Variants in ADCY5 observed in about 807,000 individuals in gnomAD.
ADCY5 encodes adenylate cyclase type 5.
A neutral mutation model predicts 119.7 loss-of-function variants in ADCY5; 30 were observed. The observed-to-expected ratio is 0.25, with a 90% CI of 0.19 to 0.34. The LOEUF (loss-of-function observed/expected upper bound fraction) is 0.34. ADCY5 is among the 10% of genes least tolerant of loss of function. The pLI is 1.00. For synonymous variants in ADCY5, 753 were observed against 762.2 expected (o/e 0.99, Z 0.20); for missense variants, 1,324 against 1,775.2 (o/e 0.75, Z 4.57).
rs986314659 is a variant in ADCY5 at position 123,447,469 on chromosome 3, G to T, written c.1077C>A (p.Ala359=). The T allele has an allele frequency of 1.9e-6, 3 of 1,610,436 alleles. No individual in the cohort carries two copies. In the East Asian group the frequency reaches 6.7e-5, roughly 36 times the overall value. The change falls in exon 1 of 21, where the codon GCC becomes GCA. Residue 359 remains alanine, a synonymous_variant. Transcript: ENST00000462833. ...TGCGCAGGGCGATGGCCAGGTGGAG[G>T]GCGGACAGGAGCACCCCGCTGAGCA... is the stretch of plus-strand genomic sequence containing the variant. ...AAVLSGVLLS[A]LHLAIALRTN... is the part of the protein sequence containing the mutation.
At chr3:123,287,027 C>A in intron 19 of ADCY5, 1 of 538,142 alleles carries the variant, frequency 1.9e-6, no homozygotes, top group Non-Finnish European at 3.1e-6. Context: ...GTGTCCTCGA[C>A]ACCCCTCACC....
intron 1 of ADCY5, among the ~76,000 whole-genome samples, chr3:123,378,902 G>A (rs1387186119): frequency 4.6e-5 from 7 of 152,290 alleles, no homozygotes; most frequent in Admixed American, 1.3e-4. Flanking sequence ...GAGAAATGAC[G>A]TTCCCATGCA....
At position 123,283,155 on chromosome 3, in the gene ADCY5, C is replaced by G. The variant is rs1056431389; in HGVS notation, c.*1453G>C. The stretch of plus-strand genomic sequence containing the variant: ...CACTCCCTTTCCGCAAACCTGAAGG[C>G]TGCACATTGCATCCCCCAGTCTGAG... On this transcript the variant is annotated 3_prime_UTR_variant, in exon 21 of 21. Coordinates refer to ENST00000462833, the MANE Select transcript of ADCY5 (RefSeq NM_183357.3). 2 of 152,204 alleles carry G rather than the reference C, an allele frequency of 1.3e-5. No homozygotes were observed. Among genetic ancestry groups the G allele is most frequent in the South Asian group, 4.1e-4 (2 of 4,830 alleles). 9.4% of individuals were successfully genotyped at this position (152,204 alleles called of 1,614,324 possible).
intron 1 of ADCY5, chr3:123,419,035 T>C (rs2107634617): frequency 3.3e-6 from 2 of 607,334 alleles, no homozygotes; most frequent in African/African-American, 2.0e-5. Context: ...CAACAGCTCA[T>C]GGGTCTTCTC....
intron 5 of ADCY5, among the ~76,000 whole-genome samples, chr3:123,330,331 T>C (rs577863676): frequency 1.3e-5 from 2 of 152,358 alleles, no homozygotes; most frequent in East Asian, 3.9e-4. Flanking sequence ...TGTTTTTCAA[T>C]GACCAGGGCT....
At chr3:123,446,631 T>C (rs1327101765) in intron 1 of ADCY5, among the ~76,000 whole-genome samples, 2 of 152,226 alleles carry the variant, frequency 1.3e-5, no homozygotes, top group South Asian at 2.1e-4. Flanking sequence ...TTGTATTTCT[T>C]CCTGAACCTG....
At chr3:123,393,542 G>C (rs1445112285) in intron 1 of ADCY5, among the ~76,000 whole-genome samples, 7 of 139,388 alleles carry the variant, frequency 5.0e-5, no homozygotes, top group Non-Finnish European at 1.0e-4. Flanking sequence ...GGGCAACAGA[G>C]TGAGACCCTG....
intron 1 of ADCY5, among the ~76,000 whole-genome samples, chr3:123,406,892 C>G (rs1176083559): frequency 6.6e-6 from 1 of 152,170 alleles, no homozygotes; most frequent in Non-Finnish European, 1.5e-5. Context: ...ACTAGCACAC[C>G]CACCCTGCAG....
chr3:123,436,151 A>C (rs1447228215), intron 1 of ADCY5, among the ~76,000 whole-genome samples: 1 of 151,618 alleles, frequency 6.6e-6, no homozygotes, highest in Non-Finnish European at 1.5e-5. Context: ...CAGCCTCCCA[A>C]AGTGTTGGCA....
At chr3:123,297,325 C>T (rs1192578432) in intron 16 of ADCY5, 28 bp downstream of exon 16, 8 of 1,612,086 alleles carry the variant, frequency 5.0e-6, no homozygotes, top group Middle Eastern at 1.6e-4. Flanking sequence ...GGGCAGGGAG[C>T]GACCCTATCC....
At chr3:123,327,825 G>C (rs899602617) in intron 6 of ADCY5, 66 bp from the exon 7 acceptor site, 3 of 1,572,568 alleles carry the variant, frequency 1.9e-6, no homozygotes, top group Non-Finnish European at 2.6e-6. Context: ...CAGCCCCCGT[G>C]AAAAACCAAA....
At chr3:123,289,001 C>G (rs886960249) in intron 19 of ADCY5, among the ~76,000 whole-genome samples, 2 of 152,216 alleles carry the variant, frequency 1.3e-5, no homozygotes, top group African/African-American at 2.4e-5. Context: ...AGATTTTGCT[C>G]ACCACCTCAA....
chr3:123,348,082 T>C (rs1214658372), intron 2 of ADCY5, among the ~76,000 whole-genome samples, 179 bp from the exon 3 acceptor site: 3 of 151,656 alleles, frequency 2.0e-5, no homozygotes, highest in Non-Finnish European at 4.4e-5. Context: ...TGTGTGTGTA[T>C]GTGTGTGCAG....
intron 4 of ADCY5, 103 bp from the exon 5 acceptor site, chr3:123,331,119 G>T: frequency 1.5e-6 from 2 of 1,325,334 alleles, no homozygotes; most frequent in Non-Finnish European, 2.1e-6. Context: ...GGAATAACTT[G>T]CCTTTTAGGG....
chr3:123,341,218 C>G (rs1460216243), intron 3 of ADCY5, among the ~76,000 whole-genome samples: 2 of 152,096 alleles, frequency 1.3e-5, no homozygotes, highest in African/African-American at 4.8e-5. Context: ...GTAGAAGCAA[C>G]CCAGTGTCCA....
rs144705651 is a variant in ADCY5 at position 123,321,712 on chromosome 3, A to G, written c.2089-941T>C. Among the ~76,000 whole-genome samples the G allele has an allele frequency of 2.3e-3, 353 of 152,288 alleles. 1 individual carries two copies. The highest frequency in any genetic ancestry group is 6.5e-3 in the African/African-American group (270 of 41,554). ...GGGTGAACCCAAAATCCAAATGAACACACCACTCTTCATTCCCAATGAGGA... is the reference window on the plus strand; with the variant it reads ...GGGTGAACCCAAAATCCAAATGAACGCACCACTCTTCATTCCCAATGAGGA... On this transcript the variant is annotated intron_variant, in intron 8 of 20. Coordinates refer to ENST00000462833, the MANE Select transcript of ADCY5 (RefSeq NM_183357.3).
chr3:123,386,979 T>C (rs1944247912), intron 1 of ADCY5, among the ~76,000 whole-genome samples: 2 of 152,126 alleles, frequency 1.3e-5, no homozygotes, highest in African/African-American at 4.8e-5. Context: ...CTAGGATCCA[T>C]AAGAAAGTGC....
In ADCY5 at chr3:123,327,800, T is replaced by C. The variant is rs1417524538; in HGVS notation, c.1806-41A>G. 4 of 1,607,914 alleles carry C rather than the reference T, an allele frequency of 2.5e-6. No individual in the cohort carries two copies. In the African/African-American group the frequency reaches 4.0e-5, roughly 16 times the overall value. ...GATCAGGGTGGAGAGGGCAGAAAACTCAAAGTCATAATGTCAGCCCCCGTG... is the reference window on the plus strand; with the variant it reads ...GATCAGGGTGGAGAGGGCAGAAAACCCAAAGTCATAATGTCAGCCCCCGTG... On this transcript the variant is annotated intron_variant, in intron 6 of 20. Coordinates refer to ENST00000462833, the MANE Select transcript of ADCY5 (RefSeq NM_183357.3).
At position 123,327,568 on chromosome 3, in the gene ADCY5, C is replaced by T. The variant is rs568650800; in HGVS notation, c.1947+50G>A. The stretch of plus-strand genomic sequence containing the variant: ...GAAGCAGCAGGTCACGAAAATGTTC[C>T]TCCCTGGAGGAAGGGAGCCCCTCAG... On this transcript the variant is annotated intron_variant, in intron 7 of 20. Coordinates refer to ENST00000462833, the MANE Select transcript of ADCY5 (RefSeq NM_183357.3). The T allele has an allele frequency of 1.4e-5, 22 of 1,556,036 alleles. No individual in the cohort carries two copies. The South Asian group carries it at 2.2e-4, about 16-fold the overall frequency.
Sources: gnomAD v4.1 joint callset for allele counts (sites outside exome capture counted in the v4.1 genomes callset) on GRCh38, gnomAD v4.1.1 for gene constraint, MANE v1.5 for transcripts, NCBI Gene and HGNC (gene_info 2026-07-23, HGNC 2026-07-21) for gene names.